PCDH15: variants seen among roughly 807,000 people sequenced by gnomAD.
PCDH15 encodes the protein protocadherin-15.
In PCDH15, 129 loss-of-function variants were observed where a neutral mutation model predicts 178.5. The observed-to-expected ratio is 0.72, with a 90% confidence interval of 0.63 to 0.84. The LOEUF is 0.84. Among genes scored for constraint, PCDH15 ranks in the 40% least tolerant of loss-of-function variants. The probability of loss-of-function intolerance (pLI) is 0.00; values close to 1 mark genes in which losing one functional copy is unlikely to be tolerated. For missense variants in PCDH15, 2,230 were observed against 2,099.9 expected (o/e 1.06, Z -1.21); for synonymous variants, 800 against 732.0 (o/e 1.09, Z -1.50).
intron 15 of PCDH15, among the ~76,000 whole-genome samples, chr10:54,090,365 G>A (rs1429218133): frequency 6.6e-6 from 1 of 152,162 alleles, no homozygotes; most frequent in Admixed American, 6.6e-5. Flanking sequence ...GCTGCTGGCT[G>A]GGCACAGTGG....
At chr10:54,357,587 C>T (rs1945237461) in intron 5 of PCDH15, among the ~76,000 whole-genome samples, 2 of 152,134 alleles carry the variant, frequency 1.3e-5, no homozygotes, top group Admixed American at 1.3e-4. Context: ...GGCCATACTG[C>T]CCAAGGTAAT....
intron 10 of PCDH15, among the ~76,000 whole-genome samples, chr10:54,199,592 A>AATAATAATG (rs1475560079): frequency 2.0e-5 from 3 of 149,634 alleles, no homozygotes; most frequent in African/African-American, 7.3e-5. Flanking sequence ...TAATAATAAT[A>AATAATAATG]ATAATATACT....
intron 3 of PCDH15, among the ~76,000 whole-genome samples, chr10:54,389,478 G>C (rs1380123785): frequency 2.0e-5 from 3 of 152,210 alleles, no homozygotes; most frequent in Admixed American, 6.5e-5. Flanking sequence ...TTGTCTGTGT[G>C]TCTCACTTTA....
intron 13 of PCDH15, among the ~76,000 whole-genome samples, chr10:54,163,181 T>C (rs1406426951): frequency 6.6e-6 from 1 of 152,116 alleles, no homozygotes; most frequent in Non-Finnish European, 1.5e-5. Context: ...ATGCACACAA[T>C]ATACTTGAAT....
intron 3 of PCDH15, among the ~76,000 whole-genome samples, chr10:54,520,423 C>A (rs1402650119): frequency 2.0e-5 from 3 of 152,162 alleles, no homozygotes; most frequent in African/African-American, 7.2e-5. Flanking sequence ...AGACACTTCT[C>A]AAAAGAAGAC....
intron 3 of PCDH15, among the ~76,000 whole-genome samples, chr10:54,817,284 G>A (rs569223319): frequency 9.2e-5 from 14 of 152,004 alleles, no homozygotes; most frequent in African/African-American, 3.4e-4. Context: ...GAGCTGTCTT[G>A]TATAGAAAAC....
At chr10:55,074,031 A>G (rs1461569658) in intron 2 of PCDH15, among the ~76,000 whole-genome samples, 5 of 152,102 alleles carry the variant, frequency 3.3e-5, no homozygotes, top group African/African-American at 1.2e-4. Flanking sequence ...GTCCCTGCAA[A>G]GTGCATGATC....
intron 31 of PCDH15, 94 bp from the exon 32 acceptor site, chr10:53,827,642 G>T (rs754805841): frequency 7.1e-7 from 1 of 1,403,100 alleles, no homozygotes; most frequent in Non-Finnish European, 1.0e-6. Context: ...CAGTTATCAG[G>T]GGAACCCACT....
chr10:54,062,611 T>C (rs1173071000), intron 18 of PCDH15, among the ~76,000 whole-genome samples: 1 of 152,130 alleles, frequency 6.6e-6, no homozygotes, highest in East Asian at 1.9e-4. Flanking sequence ...TTTTAGTTTT[T>C]ATGAAAACAA....
rs566976106 is a variant in PCDH15, at chr10:54,027,327, G to A, written c.2221-4130C>T. ...AATGGAAGAACATTCCATGCTCATG[G>A]ATAGGAAGAATCAATATCGTGAAAA... On this transcript the variant is annotated intron_variant, in intron 18 of 37. Transcript: ENST00000644397. Among the ~76,000 whole-genome samples, 1,040 of 151,378 alleles carry A rather than the reference G, an allele frequency of 6.9e-3. 12 individuals carry two copies. Among genetic ancestry groups the A allele is most frequent in the Non-Finnish European group, 0.012 (801 of 67,960 alleles).
chr10:54,734,403 A>G (rs4935555), intron 1 of PCDH15, among the ~76,000 whole-genome samples: 18,542 of 151,972 alleles, frequency 0.12, 1,267 homozygotes, highest in African/African-American at 0.17. Flanking sequence ...ACCTTGTTAC[A>G]CTAAATACCA....
intron 18 of PCDH15, among the ~76,000 whole-genome samples, chr10:54,065,297 C>T (rs992219866): frequency 4.6e-5 from 7 of 152,152 alleles, no homozygotes; most frequent in African/African-American, 1.7e-4. Flanking sequence ...CTAGAGTTTG[C>T]CCTTGGAGTG....
chr10:54,564,880 G>T (rs1448639181), intron 2 of PCDH15, among the ~76,000 whole-genome samples: 1 of 152,026 alleles, frequency 6.6e-6, no homozygotes, highest in Non-Finnish European at 1.5e-5. Context: ...ATTTTATCAT[G>T]TATCAATACA....
At chr10:55,019,065 A>T (rs1840259161) in intron 2 of PCDH15, among the ~76,000 whole-genome samples, 1 of 152,108 alleles carries the variant, frequency 6.6e-6, no homozygotes, top group Non-Finnish European at 1.5e-5. Flanking sequence ...GCAGCTCTTT[A>T]TCACCTTTAA....
intron 10 of PCDH15, among the ~76,000 whole-genome samples, chr10:54,199,716 G>A (rs2050042124): frequency 6.6e-6 from 1 of 151,922 alleles, no homozygotes; most frequent in Non-Finnish European, 1.5e-5. Context: ...GAAATCCGTG[G>A]TGGATGAAAT....
intron 2 of PCDH15, among the ~76,000 whole-genome samples, chr10:54,998,987 C>T (rs1464490218): frequency 1.3e-5 from 2 of 151,844 alleles, no homozygotes; most frequent in East Asian, 1.9e-4. Context: ...TTTTGTTTTG[C>T]TTTTAATTTT....
At chr10:54,013,525 C>G (rs903528645) in intron 20 of PCDH15, among the ~76,000 whole-genome samples, 1 of 152,034 alleles carries the variant, frequency 6.6e-6, no homozygotes, top group African/African-American at 2.4e-5. Context: ...CAATCTGTAA[C>G]AAATTGAAGA....
chr10:54,631,143 T>C (rs1213708182), intron 2 of PCDH15, among the ~76,000 whole-genome samples: 1 of 152,150 alleles, frequency 6.6e-6, no homozygotes, highest in African/African-American at 2.4e-5. Context: ...GGTGCTGTCC[T>C]CATGACAGTG....
rs576256787 is a variant in PCDH15, at chr10:54,169,754, G to A, written c.1590+13690C>T. 1.2e-4 allele frequency among the ~76,000 whole-genome samples: 18 copies of A among 151,930 alleles called. No individual in the cohort carries two copies. In the East Asian group the frequency reaches 2.9e-3, roughly 25 times the overall value. The stretch of plus-strand genomic sequence containing the variant: ...CCACTCAACGCCGACATCCCATCCC[G>A]CAGCACGCTTTAAAAAGATTAAAGC... On this transcript the variant is annotated intron_variant, in intron 13 of 37. Transcript: ENST00000644397.
Sources: gnomAD v4.1 joint callset for allele counts (sites outside exome capture counted in the v4.1 genomes callset) on GRCh38, gnomAD v4.1.1 for gene constraint, MANE v1.5 for transcripts, NCBI Gene and HGNC (gene_info 2026-07-23, HGNC 2026-07-21) for gene names.